Variants in RNF182 observed in about 807,000 individuals in gnomAD.
RNF182 encodes the protein ring finger protein 182, also known as E3 ubiquitin-protein ligase RNF182.
RNF182 carries 15 observed loss-of-function variants against 14.4 expected under a neutral mutation model. The observed-to-expected ratio is 1.04, with a 90% CI of 0.70 to 1.60. The LOEUF (loss-of-function observed/expected upper bound fraction) is 1.60. Among genes scored for constraint, RNF182 ranks in the 40% most tolerant of loss-of-function variants. The pLI is 0.00. For missense variants in RNF182, 268 were observed against 294.8 expected, an observed-to-expected ratio of 0.91 and a Z score of 0.67; for synonymous variants, 128 against 122.9, an observed-to-expected ratio of 1.04 and a Z score of -0.27.
intron 1 of RNF182, among the ~76,000 whole-genome samples, chr6:13,938,326 T>C (rs1185628480): frequency 6.6e-6 from 1 of 151,968 alleles, no homozygotes; most frequent in African/African-American, 2.4e-5. Context: ...CTTTTTCTTA[T>C]TGATTTTTAT....
intron 1 of RNF182, among the ~76,000 whole-genome samples, chr6:13,970,474 T>TA (rs1047469200): frequency 3.3e-5 from 5 of 152,240 alleles, no homozygotes; most frequent in Admixed American, 2.0e-4. Context: ...CACATTTTTT[T>TA]ATCCATTCCT....
At chr6:13,936,307 A>G (rs988874706) in intron 1 of RNF182, among the ~76,000 whole-genome samples, 2 of 152,248 alleles carry the variant, frequency 1.3e-5, no homozygotes, top group African/African-American at 4.8e-5. Context: ...CTATCTGTAC[A>G]GACAATGATG....
In RNF182 at chr6:13,979,692, G is replaced by GT. The variant is rs1235884162; in HGVS notation, c.*1836dup. 1.8e-5 allele frequency: 3 copies of GT among 166,688 alleles called. No individual in the cohort carries two copies. Among genetic ancestry groups the GT allele is most frequent in the South Asian group, 2.1e-4 (1 of 4,818 alleles). 10.3% of individuals were successfully genotyped at this position (166,688 alleles called of 1,614,324 possible). A position where few individuals can be genotyped will look rare whatever the true frequency, so the allele number is the denominator to read the frequency against. On this transcript the variant is annotated 3_prime_UTR_variant, in exon 3 of 3. Coordinates refer to ENST00000488300, the MANE Select transcript of RNF182 (RefSeq NM_152737.4). The stretch of plus-strand genomic sequence containing the variant: ...TGGTTTGGATTTATATATTTGTAAG[G>GT]TTTTTTTAAAAAAATGTTCGTTTTG...
intron 1 of RNF182, among the ~76,000 whole-genome samples, chr6:13,954,861 T>C (rs9476015): frequency 0.019 from 2,872 of 152,254 alleles, 68 homozygotes; most frequent in African/African-American, 0.058. Context: ...TTTGATCATA[T>C]TTTCAGATTT....
At chr6:13,927,405 C>CT (rs1758856811) in intron 1 of RNF182, among the ~76,000 whole-genome samples, 1 of 152,184 alleles carries the variant, frequency 6.6e-6, no homozygotes. Flanking sequence ...AGTCATCACT[C>CT]TTGCTGATTC....
intron 1 of RNF182, chr6:13,949,497 G>A (rs767864362): frequency 5.1e-5 from 29 of 571,012 alleles, no homozygotes; most frequent in Non-Finnish European, 8.6e-5. Flanking sequence ...AAAAAATTAC[G>A]GAAAAAGACA....
At chr6:13,957,884 T>C (rs76417743) in intron 1 of RNF182, among the ~76,000 whole-genome samples, 2,459 of 152,326 alleles carry the variant, frequency 0.016, 76 homozygotes, top group African/African-American at 0.056. Context: ...ATGAGAATTT[T>C]ATTCTCTGAA....
At chr6:13,959,569 G>A (rs1271010418) in intron 1 of RNF182, among the ~76,000 whole-genome samples, 1 of 152,190 alleles carries the variant, frequency 6.6e-6, no homozygotes, top group Admixed American at 6.5e-5. Context: ...ACCTGGATTA[G>A]GATGTTGATG....
At chr6:13,937,768 AC>A (rs545573415) in intron 1 of RNF182, among the ~76,000 whole-genome samples, 310 of 152,324 alleles carry the variant, frequency 2.0e-3, no homozygotes, top group African/African-American at 7.2e-3. Context: ...TATATCGGCG[AC>A]ATTCTCAACA....
chr6:13,967,131 T>G (rs556052098), intron 1 of RNF182, among the ~76,000 whole-genome samples: 1 of 152,216 alleles, frequency 6.6e-6, no homozygotes, highest in South Asian at 2.1e-4. Context: ...GTACCACATC[T>G]CTGGCAGCTG....
rs556861185 is a variant in RNF182, at chr6:13,938,546, C to T, written c.-367+13523C>T. Among the ~76,000 whole-genome samples the T allele has an allele frequency of 1.0e-3, 156 of 152,164 alleles. 1 individual carries two copies. Among genetic ancestry groups the T allele is most frequent in the Non-Finnish European group, 1.0e-3 (71 of 68,014 alleles). On this transcript the variant is annotated intron_variant, in intron 1 of 2. Transcript: ENST00000488300. ...CCTGCTCCAATATCATGAAGATATTCTCCTATGCTACCAAGAAGTTTTATT... is the reference window on the plus strand; with the variant it reads ...CCTGCTCCAATATCATGAAGATATTTTCCTATGCTACCAAGAAGTTTTATT...
At chr6:13,928,512 T>C (rs555745718) in intron 1 of RNF182, among the ~76,000 whole-genome samples, 1 of 152,258 alleles carries the variant, frequency 6.6e-6, no homozygotes, top group Non-Finnish European at 1.5e-5. Context: ...AATTTTGTAA[T>C]GTTTTTTTAA....
chr6:13,962,874 T>C (rs1759916338), intron 1 of RNF182, among the ~76,000 whole-genome samples: 1 of 152,212 alleles, frequency 6.6e-6, no homozygotes, highest in African/African-American at 2.4e-5. Context: ...AAACTCAACT[T>C]ACCCTAAGAC....
rs546594861 is a variant in RNF182 at position 13,927,349 on chromosome 6, G to A, written c.-367+2326G>A. On this transcript the variant is annotated intron_variant, in intron 1 of 2. Coordinates refer to ENST00000488300, the MANE Select transcript of RNF182 (RefSeq NM_152737.4). ...TTTTCTGTCCATGGTTTAGCCACCT[G>A]GTGGAAGCAGGCAACAGCATTGCAT... Among the ~76,000 whole-genome samples, 15 of 152,300 alleles carry A rather than the reference G, an allele frequency of 9.8e-5. No homozygotes were observed. The South Asian group carries it at 3.1e-3, about 32-fold the overall frequency.
intron 1 of RNF182, among the ~76,000 whole-genome samples, chr6:13,954,603 A>G (rs1759683107): frequency 6.6e-6 from 1 of 152,002 alleles, no homozygotes; most frequent in Non-Finnish European, 1.5e-5. Context: ...CATTAGTATT[A>G]GTGTATTTTA....
Position 13,925,019 on chromosome 6 carries a change from G to C in RNF182, c.-371G>C. 6 of 3,494 alleles carry C rather than the reference G, an allele frequency of 1.7e-3. No individual in the cohort carries two copies. Among genetic ancestry groups the C allele is most frequent in the African/African-American group, 6.7e-3 (2 of 298 alleles). 0.2% of individuals were successfully genotyped at this position (3,494 alleles called of 1,614,324 possible). ...GCTCCCGGGCCCTGGGCCGCCGCCG[G>C]CCAGGTAAGGCGATCGCGCCCGCGG... On this transcript the variant is annotated 5_prime_UTR_variant, in exon 1 of 3. Coordinates refer to ENST00000488300, the MANE Select transcript of RNF182 (RefSeq NM_152737.4).
intron 1 of RNF182, among the ~76,000 whole-genome samples, chr6:13,941,238 T>C (rs1759291956): frequency 6.6e-6 from 1 of 152,120 alleles, no homozygotes; most frequent in Non-Finnish European, 1.5e-5. Context: ...TTTGAGGATA[T>C]GTTATTGGAT....
chr6:13,933,930 A>T (rs1166073534), intron 1 of RNF182, among the ~76,000 whole-genome samples: 1 of 152,156 alleles, frequency 6.6e-6, no homozygotes, highest in Non-Finnish European at 1.5e-5. Flanking sequence ...AGGCAGGAGA[A>T]TCGCTTGAAC....
chr6:13,946,934 A>G (rs1759453585), intron 1 of RNF182, among the ~76,000 whole-genome samples: 1 of 152,220 alleles, frequency 6.6e-6, no homozygotes, highest in Non-Finnish European at 1.5e-5. Flanking sequence ...CTGATGAAAG[A>G]TGATACCTGG....
Sources: gnomAD v4.1 joint callset for allele counts (sites outside exome capture counted in the v4.1 genomes callset) on GRCh38, gnomAD v4.1.1 for gene constraint, MANE v1.5 for transcripts, NCBI Gene and HGNC (gene_info 2026-07-23, HGNC 2026-07-21) for gene names.